Variants in ATG2A observed in about 807,000 individuals in gnomAD.
ATG2A encodes the protein autophagy-related protein 2 homolog A.
Under a neutral mutation model 214.2 loss-of-function variants are expected in ATG2A, and 103 were observed. That is an observed-to-expected ratio of 0.48 (90% CI 0.41 to 0.57). The LOEUF (loss-of-function observed/expected upper bound fraction) is 0.57, where lower values mean the gene tolerates loss of function less well. ATG2A is among the 20% of genes least tolerant of loss of function. The pLI is 0.00. For missense variants in ATG2A, 2,312 were observed against 2,613.2 expected, an observed-to-expected ratio of 0.88 and a Z score of 2.51; for synonymous variants, 1,160 against 1,142.1, an observed-to-expected ratio of 1.02 and a Z score of -0.32.
chr11:64,899,007 G>A (rs1050904000), intron 31 of ATG2A, among the ~76,000 whole-genome samples, 165 bp from the exon 32 acceptor site: 1 of 152,284 alleles, frequency 6.6e-6, no homozygotes, highest in Non-Finnish European at 1.5e-5. Context: ...TCTGCCTCTC[G>A]GGTTCAAGCG....
intron 6 of ATG2A, 87 bp downstream of exon 6, chr11:64,912,951 C>T (rs1944832586): frequency 8.2e-6 from 8 of 980,522 alleles, no homozygotes; most frequent in Non-Finnish European, 1.2e-5. Flanking sequence ...GACATCCCCA[C>T]TGTGGGCTGT....
chr11:64,905,415 T>A (rs1590638822), intron 24 of ATG2A, 148 bp downstream of exon 24: 2 of 902,406 alleles, frequency 2.2e-6, no homozygotes, highest in East Asian at 5.3e-5. Flanking sequence ...CCAACTGCCC[T>A]CTAGAAAGGC....
chr11:64,900,521 A>G lies in ATG2A; in HGVS notation c.4437T>C (p.His1479=), dbSNP rs770431898. Residue 1479 remains histidine, a synonymous_variant, in exon 31 of 41, where the codon CAT becomes CAC. Coordinates refer to ENST00000377264, the MANE Select transcript of ATG2A (RefSeq NM_015104.3). ...TGCTCAGCTGGATCTCCATGAGGACATGGTGCTGCCGCCCGCTGCCCCCCT... is the reference window on the plus strand; with the variant it reads ...TGCTCAGCTGGATCTCCATGAGGACGTGGTGCTGCCGCCCGCTGCCCCCCT... The part of the protein sequence containing the change: ...RTQGGSGRQH[H]VLMEIQLSKV... The G allele has an allele frequency of 6.2e-7, 1 of 1,613,560 alleles. No individual in the cohort carries two copies. Among genetic ancestry groups the G allele is most frequent in the Non-Finnish European group, 8.5e-7 (1 of 1,180,018 alleles).
chr11:64,895,341 C>T lies in ATG2A; in HGVS notation c.5529G>A (p.Gln1843=), dbSNP rs1239177480. ...RSARRLRRGQ[Q]PADLREGVAK... is the part of the protein sequence containing the mutation. ...CCACACCCTCCCGCAGGTCGGCAGG[C>T]TGCTGGCCCCTGCGCAGCCTCCGCG... is the stretch of plus-strand genomic sequence containing the variant. The change falls in exon 40 of 41, where the codon CAG becomes CAA. Residue 1843 remains glutamine, a synonymous_variant. Transcript: ENST00000377264. The surrounding 1 kb of genome is among the most constrained non-coding windows in gnomAD (Gnocchi z 5.0). 4 of 1,613,096 alleles carry T rather than the reference C, an allele frequency of 2.5e-6. No individual in the cohort carries two copies. The highest frequency in any genetic ancestry group is 2.2e-5 in the South Asian group (2 of 91,044).
Position 64,908,018 on chromosome 11 carries a change from G to A in ATG2A, c.2365-128C>T, listed in dbSNP as rs1944621738. ...CATTCATAGGAGCCCTTCTCTACTG[G>A]GGATGCATGATAGCCGTACAGATAC... On this transcript the variant is annotated intron_variant, in intron 16 of 40. Transcript: ENST00000377264. 3.5e-6 allele frequency: 4 copies of A among 1,130,184 alleles called. No individual in the cohort carries two copies. In the African/African-American group the frequency reaches 4.6e-5, roughly 13 times the overall value. 70.0% of individuals were successfully genotyped at this position (1,130,184 alleles called of 1,614,324 possible).
In ATG2A at chr11:64,909,386, T is replaced by G; in HGVS notation, c.2108-19A>C. 1 of 1,604,984 alleles carries G rather than the reference T, an allele frequency of 6.2e-7. No individual in the cohort carries two copies. The highest frequency in any genetic ancestry group is 1.1e-5 in the South Asian group (1 of 90,884). ...TAGATACCTGGAGGGGGATGGGGAA[T>G]TAGGGGGGTCATCACTGCTGCCTTT... On this transcript the variant is annotated intron_variant, in intron 14 of 40. Transcript: ENST00000377264.
intron 16 of ATG2A, 78 bp from the exon 17 acceptor site, chr11:64,907,968 G>T (rs1944619005): frequency 6.7e-7 from 1 of 1,500,466 alleles, no homozygotes. Context: ...TCTCAGTCCT[G>T]CCCTCCTGTC....
chr11:64,913,066 T>G lies in ATG2A; in HGVS notation c.797A>C (p.Lys266Thr). The G allele has an allele frequency of 6.4e-7, 1 of 1,568,512 alleles. No individual in the cohort carries two copies. The highest frequency in any genetic ancestry group is 8.7e-7 in the Non-Finnish European group (1 of 1,156,024). Residue 266 changes from lysine to threonine, a missense_variant, in exon 6 of 41, where the codon AAG becomes ACG. Physicochemically the swap from Lys to Thr is moderately conservative, Grantham distance 78. Transcript: ENST00000377264. The surrounding 1 kb of genome is among the most constrained non-coding windows in gnomAD (Gnocchi z 4.3). ...GGGGCCAGGGAAGGCCTCATTTTGCTTCAACTTCACCATCAGCTCCATGTA... is the reference window on the plus strand; with the variant it reads ...GGGGCCAGGGAAGGCCTCATTTTGCGTCAACTTCACCATCAGCTCCATGTA... ...SGYMELMVKL[K>T]QNEAFPGPKL...
rs1216917362 is a variant in ATG2A at position 64,895,256 on chromosome 11, A to G, written c.5580+34T>C. On this transcript the variant is annotated intron_variant, in intron 40 of 40. Transcript: ENST00000377264. The surrounding 1 kb of genome is among the most constrained non-coding windows in gnomAD (Gnocchi z 5.0). Reference sequence around the variant, plus strand: ...GCGGGGTCTGTGTGAGGAGATGGGCATGGGGGACTGGGGCAGGGCGGGGGC... The same window carrying G: ...GCGGGGTCTGTGTGAGGAGATGGGCGTGGGGGACTGGGGCAGGGCGGGGGC... The G allele has an allele frequency of 6.2e-7, 1 of 1,612,158 alleles. No individual in the cohort carries two copies. The highest frequency in any genetic ancestry group is 8.5e-7 in the Non-Finnish European group (1 of 1,179,150).
intron 31 of ATG2A, 130 bp downstream of exon 31, chr11:64,900,364 C>T (rs1208720103): frequency 2.1e-5 from 30 of 1,427,776 alleles, no homozygotes; most frequent in Non-Finnish European, 2.6e-5. Flanking sequence ...CATCTTGGTC[C>T]CTGCCTGGCT....
chr11:64,913,481 G>A lies in ATG2A; in HGVS notation c.591-80C>T. The A allele has an allele frequency of 2.8e-6, 4 of 1,452,430 alleles. No individual in the cohort carries two copies. Among genetic ancestry groups the A allele is most frequent in the Admixed American group, 4.9e-5 (2 of 40,714 alleles). The allele number at this position is 1,452,430 out of a possible 1,614,324, so 90.0% of individuals were successfully genotyped here. ...TCTCCACACAGTGCTCTGCTCTAGG[G>A]GCACGGGGTCAGGGAGCCTAGCCTG... On this transcript the variant is annotated intron_variant, in intron 4 of 40. Coordinates refer to ENST00000377264, the MANE Select transcript of ATG2A (RefSeq NM_015104.3). The surrounding 1 kb of genome is among the most constrained non-coding windows in gnomAD (Gnocchi z 4.3).
In ATG2A at chr11:64,902,177, C is replaced by A; in HGVS notation, c.3905-1G>T. On this transcript the variant is annotated splice_acceptor_variant, in intron 28 of 40. Transcript: ENST00000377264. LOFTEE classifies it high-confidence loss of function. The stretch of plus-strand genomic sequence containing the variant: ...GGCGACGCCTGAGGGAGGTGGCCAC[C>A]TATAGGAGAGAGGCCAGTTTGGAGA... 1 of 1,612,934 alleles carries A rather than the reference C, an allele frequency of 6.2e-7. No homozygotes were observed.
At chr11:64,910,336 G>T in intron 12 of ATG2A, 141 bp from the exon 13 acceptor site, 1 of 1,291,940 alleles carries the variant, frequency 7.7e-7, no homozygotes, top group Non-Finnish European at 1.0e-6. Context: ...TTTGCCCGAC[G>T]CGCACAATGT....
chr11:64,917,125 C>T lies in ATG2A; in HGVS notation c.11G>A (p.Trp4Ter). The T allele has an allele frequency of 1.2e-6, 2 of 1,605,686 alleles. No homozygotes were observed. The highest frequency in any genetic ancestry group is 1.3e-5 in the African/African-American group (1 of 74,640). Residue 4 changes from tryptophan to a stop codon, truncating the protein, a stop_gained, in exon 1 of 41, where the codon TGG (tryptophan) becomes TAG (stop). Coordinates refer to ENST00000377264, the MANE Select transcript of ATG2A (RefSeq NM_015104.3). LOFTEE classifies it high-confidence loss of function. Reference sequence around the variant, plus strand: ...CACACAGTTTGACCATGGCCACAGCCATCGTGACATCTCGGAGACCGCCGG... The same window carrying T: ...CACACAGTTTGACCATGGCCACAGCTATCGTGACATCTCGGAGACCGCCGG... MSR[W>*]LWPWSNCVKE... is the part of the protein sequence containing the mutation.
chr11:64,905,879 AGG>A, intron 22 of ATG2A, 31 bp from the exon 23 acceptor site: 1 of 1,601,506 alleles, frequency 6.2e-7, no homozygotes, highest in Non-Finnish European at 8.5e-7. Context: ...GGAAGCAGTG[AGG>A]ATCAGGTGGT....
chr11:64,907,345 G>T lies in ATG2A; in HGVS notation c.2742C>A (p.Ala914=). ...GCAAGTGAAGACTTGGGGCCTCAGGGGCAGCGGCCTGTGGGCCACCTGATG... is the reference window on the plus strand; with the variant it reads ...GCAAGTGAAGACTTGGGGCCTCAGGTGCAGCGGCCTGTGGGCCACCTGATG... ...VGASGGPQAA[A]PEAPSLHLQS... The change falls in exon 19 of 41, where the codon GCC becomes GCA. Residue 914 remains alanine, a synonymous_variant. Transcript: ENST00000377264. 1 of 1,555,540 alleles carries T rather than the reference G, an allele frequency of 6.4e-7. No individual in the cohort carries two copies. The highest frequency in any genetic ancestry group is 1.7e-4 in the Middle Eastern group (1 of 5,994).
Position 64,902,413 on chromosome 11 carries a change from A to T in ATG2A, c.3778-27T>A, listed in dbSNP as rs746585765. On this transcript the variant is annotated intron_variant, in intron 27 of 40. Transcript: ENST00000377264. ...TGGGCCAGGCAGGGGAGGAGCAATG[A>T]GTGAGACAGGACAGAGCTCCCCCAA... 2.6e-6 allele frequency: 4 copies of T among 1,541,884 alleles called. No individual in the cohort carries two copies. The South Asian group carries it at 4.8e-5, about 19-fold the overall frequency.
At chr11:64,900,683 G>C in intron 30 of ATG2A, 54 bp from the exon 31 acceptor site, 1 of 1,518,644 alleles carries the variant, frequency 6.6e-7, no homozygotes, top group Non-Finnish European at 8.8e-7. Context: ...TTCCCTCCCC[G>C]TCCTCAGCGG....
rs1299595904 is a variant in ATG2A, at chr11:64,906,154, G to A, written c.3223C>T (p.Arg1075Cys). Residue 1075 changes from arginine to cysteine, a missense_variant, in exon 22 of 41, where the codon CGC becomes TGC. Coordinates refer to ENST00000377264, the MANE Select transcript of ATG2A (RefSeq NM_015104.3). ...TGCTCGGGCAGGGCCATGTAGTGGC[G>A]CAAGGTGGCTTTGTGCAACCGCAGT... ...VTLRLHKATL[R>C]HYMALPEQSW... 9 of 1,602,538 alleles carry A rather than the reference G, an allele frequency of 5.6e-6. No homozygotes were observed. The highest frequency in any genetic ancestry group is 2.3e-5 in the East Asian group (1 of 44,398).
Sources: gnomAD v4.1 joint callset for allele counts (sites outside exome capture counted in the v4.1 genomes callset) on GRCh38, gnomAD v4.1.1 for gene constraint, Gnocchi (gnomAD v3.1) non-coding constraint, MANE v1.5 for transcripts, NCBI Gene and HGNC (gene_info 2026-07-23, HGNC 2026-07-21) for gene names.